CYB5RL: variants seen among roughly 807,000 people sequenced by gnomAD.
CYB5RL encodes the protein NADH-cytochrome b5 reductase-like.
Under a neutral mutation model 37.5 loss-of-function variants are expected in CYB5RL, and 38 were observed. That is an observed-to-expected ratio of 1.01 (90% CI 0.78 to 1.33). CYB5RL has a LOEUF of 1.33. Among genes scored for constraint, CYB5RL ranks in the 40% most tolerant of loss-of-function variants. The pLI, the probability that CYB5RL is intolerant of heterozygous loss-of-function variation, is 0.00. For missense variants in CYB5RL, 388 were observed against 394.4 expected, an observed-to-expected ratio of 0.98 and a Z score of 0.14; for synonymous variants, 141 against 151.9, an observed-to-expected ratio of 0.93 and a Z score of 0.53.
At chr1:54,188,596 A>G (rs181088515) in intron 4 of CYB5RL, among the ~76,000 whole-genome samples, 1 of 152,248 alleles carries the variant, frequency 6.6e-6, no homozygotes, top group African/African-American at 2.4e-5. Context: ...TTAAATGCAT[A>G]CATGTATCAA....
In CYB5RL at chr1:54,173,079, G is replaced by A. The variant is rs549030795; in HGVS notation, c.*1540C>T. On this transcript the variant is annotated 3_prime_UTR_variant, in exon 8 of 8. Coordinates refer to ENST00000534324, the MANE Select transcript of CYB5RL (RefSeq NM_001031672.4). The stretch of plus-strand genomic sequence containing the variant: ...GGGCCTTTAACATGCTCCTGTGCCC[G>A]TGCTTCTGGAAGAAGGTCACACACA... 1.2e-4 allele frequency: 19 copies of A among 152,242 alleles called. No homozygotes were observed. The highest frequency in any genetic ancestry group is 5.8e-4 in the East Asian group (3 of 5,188). The allele number at this position is 152,242 out of a possible 1,614,324, so 9.4% of individuals were successfully genotyped here. A position where few individuals can be genotyped will look rare whatever the true frequency, so the allele number is the denominator to read the frequency against.
In CYB5RL at chr1:54,174,451, G is replaced by A; in HGVS notation, c.*168C>T. 2 of 726,372 alleles carry A rather than the reference G, an allele frequency of 2.8e-6. No homozygotes were observed. The highest frequency in any genetic ancestry group is 4.6e-6 in the Non-Finnish European group (2 of 436,124). 45.0% of individuals were successfully genotyped at this position (726,372 alleles called of 1,614,324 possible). A position where few individuals can be genotyped will look rare whatever the true frequency, so the allele number is the denominator to read the frequency against. On this transcript the variant is annotated 3_prime_UTR_variant, in exon 8 of 8. Transcript: ENST00000534324. ...CCAGGAGGAGTGATTAACCTCATGG[G>A]GCAGATGAGAAGTAGAGGTTCTGAG...
rs757709805 is a variant in CYB5RL, at chr1:54,200,028, T to C, written c.-275A>G. The stretch of plus-strand genomic sequence containing the variant: ...AGGATTTTCCAGGTTCCTCCCAGTC[T>C]CTGGGTAGGCGGGGAGCGCTTAGCA... On this transcript the variant is annotated 5_prime_UTR_variant, in exon 1 of 8. Coordinates refer to ENST00000534324, the MANE Select transcript of CYB5RL (RefSeq NM_001031672.4). 74 of 561,698 alleles carry C rather than the reference T, an allele frequency of 1.3e-4. No individual in the cohort carries two copies. Among genetic ancestry groups the C allele is most frequent in the Non-Finnish European group, 2.0e-4 (66 of 323,550 alleles). 34.8% of individuals were successfully genotyped at this position (561,698 alleles called of 1,614,324 possible).
At chr1:54,190,622 A>T in intron 4 of CYB5RL, 126 bp downstream of exon 4, 1 of 1,202,086 alleles carries the variant, frequency 8.3e-7, no homozygotes, top group Non-Finnish European at 1.2e-6. Flanking sequence ...GTCATGTGTC[A>T]CTATGTCTAT....
At chr1:54,191,076 T>C (rs1643949081) in intron 3 of CYB5RL, among the ~76,000 whole-genome samples, 180 bp from the exon 4 acceptor site, 1 of 152,210 alleles carries the variant, frequency 6.6e-6, no homozygotes, top group Non-Finnish European at 1.5e-5. Flanking sequence ...GCCAGAGCGC[T>C]TTCCTTTGAG....
At chr1:54,192,992 T>G (rs908161724) in intron 3 of CYB5RL, among the ~76,000 whole-genome samples, 127 of 152,190 alleles carry the variant, frequency 8.3e-4, no homozygotes, top group African/African-American at 3.0e-3. Context: ...TGAGCTTAGG[T>G]GATCCACCTG....
intron 1 of CYB5RL, among the ~76,000 whole-genome samples, chr1:54,198,619 C>T (rs956730409): frequency 2.2e-4 from 32 of 145,580 alleles, no homozygotes; most frequent in Non-Finnish European, 3.9e-4. Flanking sequence ...GCGTGAGCCA[C>T]CATGCCCGGC....
chr1:54,193,467 C>T lies in CYB5RL; in HGVS notation c.198+1952G>A, dbSNP rs543079130. ...GAGAAGAAAGAAACAGAGGTTGTCA[C>T]GAACATTCCCCAGTCACTGGCAGAA... On this transcript the variant is annotated intron_variant, in intron 3 of 7. Coordinates refer to ENST00000534324, the MANE Select transcript of CYB5RL (RefSeq NM_001031672.4). Among the ~76,000 whole-genome samples, 5 of 152,278 alleles carry T rather than the reference C, an allele frequency of 3.3e-5. No homozygotes were observed. The South Asian group carries it at 1.0e-3, about 32-fold the overall frequency.
Position 54,172,665 on chromosome 1 carries a change from G to GT in CYB5RL, c.*1953dup, listed in dbSNP as rs1267609965. 1 of 152,304 alleles carries GT rather than the reference G, an allele frequency of 6.6e-6. No homozygotes were observed. Among genetic ancestry groups the GT allele is most frequent in the Non-Finnish European group, 1.5e-5 (1 of 68,128 alleles). The allele number at this position is 152,304 out of a possible 1,614,324, so 9.4% of individuals were successfully genotyped here. On this transcript the variant is annotated 3_prime_UTR_variant, in exon 8 of 8. Coordinates refer to ENST00000534324, the MANE Select transcript of CYB5RL (RefSeq NM_001031672.4). ...GAATTGCTGCCTTCCTTGCTAGGCT[G>GT]TAAGTTCCCCGATGGACATAACTGC... is the stretch of plus-strand genomic sequence containing the variant.
chr1:54,196,891 C>A (rs1644012273), intron 1 of CYB5RL, among the ~76,000 whole-genome samples: 1 of 152,082 alleles, frequency 6.6e-6, no homozygotes, highest in South Asian at 2.1e-4. Flanking sequence ...CAGCTTCAGG[C>A]AGAATGAGAA....
intron 6 of CYB5RL, among the ~76,000 whole-genome samples, chr1:54,183,388 A>G (rs1456764147): frequency 6.6e-6 from 1 of 152,222 alleles, no homozygotes; most frequent in Non-Finnish European, 1.5e-5. Flanking sequence ...GACTCTTGGT[A>G]CATACTGTCA....
At chr1:54,183,013 T>C (rs936339898) in intron 6 of CYB5RL, among the ~76,000 whole-genome samples, 4 of 152,220 alleles carry the variant, frequency 2.6e-5, no homozygotes, top group African/African-American at 9.6e-5. Context: ...AAATCACCCA[T>C]AATTTCACCA....
intron 3 of CYB5RL, among the ~76,000 whole-genome samples, chr1:54,193,285 C>G (rs1319313187): frequency 1.3e-5 from 2 of 152,230 alleles, no homozygotes; most frequent in African/African-American, 4.8e-5. Context: ...GAGGCCCCTT[C>G]TCTTCCAGAA....
intron 6 of CYB5RL, among the ~76,000 whole-genome samples, chr1:54,181,382 T>TC (rs1314642559): frequency 2.6e-5 from 4 of 152,172 alleles, no homozygotes; most frequent in Non-Finnish European, 5.9e-5. Context: ...CATCTCTAGG[T>TC]CCCCAGAGTC....
chr1:54,183,915 C>G (rs113720906), intron 6 of CYB5RL: 10 of 208,214 alleles, frequency 4.8e-5, no homozygotes, highest in African/African-American at 2.3e-4. Flanking sequence ...GTGGAGGTTG[C>G]GGTGAGCCGA....
At chr1:54,177,318 C>T (rs908193005) in intron 7 of CYB5RL, among the ~76,000 whole-genome samples, 2 of 152,148 alleles carry the variant, frequency 1.3e-5, no homozygotes, top group Non-Finnish European at 2.9e-5. Context: ...AGCCACCAGT[C>T]ACCCCCTTCA....
chr1:54,199,171 T>A (rs540707915), intron 1 of CYB5RL, among the ~76,000 whole-genome samples: 18 of 152,292 alleles, frequency 1.2e-4, no homozygotes, highest in African/African-American at 4.3e-4. Context: ...AGGTCCTCCC[T>A]GAACCTTCCC....
intron 1 of CYB5RL, among the ~76,000 whole-genome samples, chr1:54,198,674 C>T (rs954706046): frequency 2.7e-5 from 4 of 150,006 alleles, no homozygotes; most frequent in African/African-American, 9.9e-5. Context: ...CTGTGTTGCC[C>T]AGGTTGGAGT....
rs988293319 is a variant in CYB5RL, at chr1:54,187,731, A to G, written c.356T>C (p.Val119Ala). Residue 119 changes from valine to alanine, a missense_variant, in exon 5 of 8, where the codon GTA becomes GCA. Physicochemically the swap from Val to Ala is moderately conservative, Grantham distance 64. Transcript: ENST00000534324. Reference protein sequence around the residue: ...PGQHLILRGIVDDLEIQRAYT... With the variant: ...PGQHLILRGIADDLEIQRAYT... ...GGCTCTCTGAATTTCTAAGTCATCT[A>G]CTATCCCTCTGAGAAACAGAAGTGT... The G allele has an allele frequency of 6.2e-7, 1 of 1,613,864 alleles. No individual in the cohort carries two copies. The highest frequency in any genetic ancestry group is 8.5e-7 in the Non-Finnish European group (1 of 1,179,772).
Sources: allele counts gnomAD v4.1 joint callset (sites outside exome capture counted in the v4.1 genomes callset), GRCh38; gene constraint gnomAD v4.1.1; transcripts MANE v1.5; gene names NCBI Gene and HGNC (gene_info 2026-07-23, HGNC 2026-07-21).